SLC38A1: variants seen among roughly 807,000 people sequenced by gnomAD.
The protein encoded by SLC38A1 is sodium-coupled neutral amino acid symporter 1.
A neutral mutation model predicts 60.3 loss-of-function variants in SLC38A1; 18 were observed. That is an observed-to-expected ratio of 0.30 (90% confidence interval 0.21 to 0.44). The LOEUF is 0.44. Ranked by LOEUF, SLC38A1 falls within the 20% of genes least tolerant of loss-of-function variation. SLC38A1 has a pLI of 1.00. For synonymous variants in SLC38A1, 196 were observed against 212.1 expected (o/e 0.92, Z 0.66); for missense variants, 448 against 587.2 (o/e 0.76, Z 2.45).
chr12:46,235,626 T>C (rs1233544707), intron 3 of SLC38A1, among the ~76,000 whole-genome samples: 3 of 152,170 alleles, frequency 2.0e-5, no homozygotes, highest in African/African-American at 4.8e-5. Context: ...AAAGAAGTTA[T>C]GGAATCTTCT....
intron 7 of SLC38A1, 43 bp from the exon 8 acceptor site, chr12:46,207,279 C>T (rs1435781831): frequency 2.0e-6 from 3 of 1,508,674 alleles, no homozygotes; most frequent in Non-Finnish European, 2.7e-6. Flanking sequence ...GATACGAAGG[C>T]TTATGTTGCA....
chr12:46,261,094 CT>C (rs1942182486), intron 1 of SLC38A1, among the ~76,000 whole-genome samples: 1 of 152,212 alleles, frequency 6.6e-6, no homozygotes, highest in East Asian at 1.9e-4. Context: ...CACCATCCCC[CT>C]GATCCTGGAC....
At chr12:46,215,811 A>G (rs1940384638) in intron 5 of SLC38A1, among the ~76,000 whole-genome samples, 1 of 152,168 alleles carries the variant, frequency 6.6e-6, no homozygotes, top group South Asian at 2.1e-4. Flanking sequence ...AACTTTTACT[A>G]TCCTCAATTA....
intron 5 of SLC38A1, among the ~76,000 whole-genome samples, chr12:46,216,611 G>T (rs915534600): frequency 2.6e-5 from 4 of 152,170 alleles, no homozygotes; most frequent in African/African-American, 9.7e-5. Flanking sequence ...AGCACTTTGG[G>T]AGGCAGAGGT....
intron 13 of SLC38A1, among the ~76,000 whole-genome samples, chr12:46,200,721 C>T (rs535974172): frequency 1.3e-5 from 2 of 152,234 alleles, no homozygotes; most frequent in South Asian, 4.2e-4. Flanking sequence ...TCTGCTCTTT[C>T]TCACTTTCAG....
At chr12:46,246,509 TC>T (rs1941624325) in intron 1 of SLC38A1, among the ~76,000 whole-genome samples, 1 of 152,214 alleles carries the variant, frequency 6.6e-6, no homozygotes, top group South Asian at 2.1e-4. Flanking sequence ...CCAAGGAAGC[TC>T]GAACTGGGTG....
intron 1 of SLC38A1, among the ~76,000 whole-genome samples, chr12:46,260,998 CT>C (rs1942179240): frequency 1.3e-5 from 2 of 152,172 alleles, no homozygotes; most frequent in Admixed American, 1.3e-4. Context: ...AGACAGCTTT[CT>C]CTTTAATTTA....
intron 5 of SLC38A1, among the ~76,000 whole-genome samples, chr12:46,212,496 T>C (rs1940219956): frequency 6.6e-6 from 1 of 152,204 alleles, no homozygotes; most frequent in East Asian, 1.9e-4. Context: ...CTTATGTTCA[T>C]CTTTGAGGAG....
intron 8 of SLC38A1, 22 bp downstream of exon 8, chr12:46,207,133 A>T (rs760194262): frequency 2.0e-6 from 3 of 1,488,652 alleles, no homozygotes; most frequent in Admixed American, 3.9e-5. Flanking sequence ...GTTATATCAT[A>T]AAAAAATGGT....
At chr12:46,234,249 T>C (rs1459359818) in intron 3 of SLC38A1, among the ~76,000 whole-genome samples, 1 of 152,194 alleles carries the variant, frequency 6.6e-6, no homozygotes, top group Admixed American at 6.5e-5. Context: ...AACCACACAT[T>C]AGCAACTCAG....
intron 1 of SLC38A1, among the ~76,000 whole-genome samples, chr12:46,243,837 A>G (rs1449506626): frequency 1.3e-5 from 2 of 152,176 alleles, no homozygotes; most frequent in Non-Finnish European, 2.9e-5. Context: ...CCTTACCACA[A>G]CCTTGTGAGG....
chr12:46,222,099 C>T (rs982306438), intron 5 of SLC38A1, among the ~76,000 whole-genome samples: 2 of 152,154 alleles, frequency 1.3e-5, no homozygotes, highest in African/African-American at 4.8e-5. Context: ...ACAGCATTGA[C>T]AGAGTCCTCA....
At position 46,207,519 on chromosome 12, in the gene SLC38A1, T is replaced by C. The variant is rs577276323; in HGVS notation, c.481+10A>G. Reference sequence around the variant, plus strand: ...TTCAAGTTATGTAAAGAAAAGCATGTTCTTTTTACCTCCAGTGTTCTGTAG... The same window carrying C: ...TTCAAGTTATGTAAAGAAAAGCATGCTCTTTTTACCTCCAGTGTTCTGTAG... On this transcript the variant is annotated intron_variant, in intron 7 of 16. Transcript: ENST00000398637. 1.9e-5 allele frequency: 30 copies of C among 1,611,214 alleles called. No individual in the cohort carries two copies. The highest frequency in any genetic ancestry group is 2.2e-5 in the Non-Finnish European group (26 of 1,177,706).
chr12:46,258,401 A>G (rs776963173), intron 1 of SLC38A1, among the ~76,000 whole-genome samples: 4 of 152,182 alleles, frequency 2.6e-5, no homozygotes, highest in Non-Finnish European at 5.9e-5. Context: ...CATACATATT[A>G]TGAGATATCC....
intron 1 of SLC38A1, among the ~76,000 whole-genome samples, chr12:46,248,297 C>A (rs569222723): frequency 6.6e-6 from 1 of 152,074 alleles, no homozygotes; most frequent in Non-Finnish European, 1.5e-5. Context: ...ACCCATCTCA[C>A]GTGCAAAGAC....
intron 5 of SLC38A1, among the ~76,000 whole-genome samples, chr12:46,211,965 A>C (rs1455166607): frequency 6.6e-6 from 1 of 152,252 alleles, no homozygotes; most frequent in Non-Finnish European, 1.5e-5. Context: ...TTCTAAGAAT[A>C]CTTTAGCCTA....
At chr12:46,197,154 G>A (rs527806946) in intron 16 of SLC38A1, among the ~76,000 whole-genome samples, 5 of 152,010 alleles carry the variant, frequency 3.3e-5, no homozygotes, top group Non-Finnish European at 7.4e-5. Flanking sequence ...TCTTCTGACT[G>A]GCCATGCCCT....
At chr12:46,209,349 A>T (rs1211024682) in intron 5 of SLC38A1, among the ~76,000 whole-genome samples, 3 of 152,230 alleles carry the variant, frequency 2.0e-5, no homozygotes, top group African/African-American at 7.2e-5. Flanking sequence ...CAAATCCTTT[A>T]TGTAATTCGA....
chr12:46,268,047 C>G lies in SLC38A1; in HGVS notation c.-209+479G>C, dbSNP rs1006710146. Among the ~76,000 whole-genome samples, 2 of 152,158 alleles carry G rather than the reference C, an allele frequency of 1.3e-5. No individual in the cohort carries two copies. Among genetic ancestry groups the G allele is most frequent in the South Asian group, 4.1e-4 (2 of 4,830 alleles). ...GCTACCCAGCCGGCCGCACGCAGCACCCCCCGGACATCACACGATCTCCTC... is the reference window on the plus strand; with the variant it reads ...GCTACCCAGCCGGCCGCACGCAGCAGCCCCCGGACATCACACGATCTCCTC... On this transcript the variant is annotated intron_variant, in intron 1 of 16. Coordinates refer to ENST00000398637, the MANE Select transcript of SLC38A1 (RefSeq NM_030674.4). The surrounding 1 kb of genome is among the most constrained non-coding windows in gnomAD (Gnocchi z 4.4).
Sources: gnomAD v4.1 joint callset for allele counts (sites outside exome capture counted in the v4.1 genomes callset) on GRCh38, gnomAD v4.1.1 for gene constraint, Gnocchi (gnomAD v3.1) non-coding constraint, MANE v1.5 for transcripts, NCBI Gene and HGNC (gene_info 2026-07-23, HGNC 2026-07-21) for gene names.